The following ANAPC10 variants were observed in gnomAD, a reference collection of about 807,000 sequenced individuals.
ANAPC10 encodes anaphase promoting complex subunit 10, also known as anaphase-promoting complex subunit 10.
A neutral mutation model predicts 22.0 loss-of-function variants in ANAPC10; 12 were observed. The observed-to-expected ratio is 0.55, with a 90% CI of 0.35 to 0.88. The LOEUF (loss-of-function observed/expected upper bound fraction) is 0.88, where lower values mean the gene tolerates loss of function less well. ANAPC10 is among the 40% of genes least tolerant of loss of function. The probability of loss-of-function intolerance (pLI) is 0.01; values close to 1 mark genes in which losing one functional copy is unlikely to be tolerated. For missense variants in ANAPC10, 188 were observed against 220.9 expected (o/e 0.85, Z 0.94); for synonymous variants, 65 against 69.5 (o/e 0.94, Z 0.32).
At chr4:145,064,529 A>G in intron 4 of ANAPC10, 43 bp downstream of exon 4, 3 of 1,531,142 alleles carry the variant, frequency 2.0e-6, no homozygotes, top group East Asian at 2.3e-5. Context: ...CTAATGAGTA[A>G]AAGTTAAAGG....
At chr4:145,079,435 G>A (rs958541706) in intron 3 of ANAPC10, among the ~76,000 whole-genome samples, 4 of 152,236 alleles carry the variant, frequency 2.6e-5, no homozygotes, top group Admixed American at 2.6e-4. Flanking sequence ...TGGTGGTAAT[G>A]TAAATTAGTT....
intron 4 of ANAPC10, among the ~76,000 whole-genome samples, chr4:145,022,873 T>C (rs1736159711): frequency 6.6e-6 from 1 of 152,014 alleles, no homozygotes; most frequent in African/African-American, 2.4e-5. Context: ...CATTCTTTTA[T>C]GTATTTTTGT....
At chr4:145,087,743 T>C (rs530201515) in intron 2 of ANAPC10, among the ~76,000 whole-genome samples, 1 of 152,278 alleles carries the variant, frequency 6.6e-6, no homozygotes, top group South Asian at 2.1e-4. Context: ...TATGAAGTAT[T>C]AGTACAACAA....
intron 2 of ANAPC10, among the ~76,000 whole-genome samples, chr4:145,086,039 T>C (rs1446988886): frequency 6.6e-6 from 1 of 151,984 alleles, no homozygotes; most frequent in Non-Finnish European, 1.5e-5. Flanking sequence ...AAAATAAAAG[T>C]CTAAAATATG....
chr4:145,080,113 C>CAAAAA lies in ANAPC10; in HGVS notation c.206+1542_206+1546dup, dbSNP rs70956824. On this transcript the variant is annotated intron_variant, in intron 3 of 4. Coordinates refer to ENST00000507656, the MANE Select transcript of ANAPC10 (RefSeq NM_001256706.2). ...TGGGCAACAGAGAGAGACTCTGTCT[C>CAAAAA]AAAAAAAAAAAAAAAAAAAAAAAAA... Among the ~76,000 whole-genome samples, 50 of 26,750 alleles carry CAAAAA rather than the reference C, an allele frequency of 1.9e-3. 1 individual carries two copies. Among genetic ancestry groups the CAAAAA allele is most frequent in the African/African-American group, 6.0e-3 (34 of 5,646 alleles). The allele number at this position is 26,750 out of a possible 152,430, so 17.5% of individuals were successfully genotyped here.
intron 4 of ANAPC10, among the ~76,000 whole-genome samples, chr4:145,011,285 C>T (rs1734260914): frequency 6.6e-6 from 1 of 150,826 alleles, no homozygotes; most frequent in African/African-American, 2.4e-5. Flanking sequence ...TGCAGTAAGC[C>T]AAGATTGCGC....
At chr4:145,022,319 G>C (rs1736073421) in intron 4 of ANAPC10, among the ~76,000 whole-genome samples, 1 of 152,060 alleles carries the variant, frequency 6.6e-6, no homozygotes, top group Non-Finnish European at 1.5e-5. Flanking sequence ...ATACATGGTG[G>C]GATACTACTC....
chr4:145,037,913 C>T (rs1228589143), intron 4 of ANAPC10, among the ~76,000 whole-genome samples: 1 of 141,560 alleles, frequency 7.1e-6, no homozygotes, highest in East Asian at 2.1e-4. Context: ...CGCTACTGCA[C>T]TCAAGCATGG....
intron 1 of ANAPC10, 163 bp downstream of exon 1, chr4:145,097,957 T>C (rs1355095064): frequency 2.1e-5 from 4 of 190,324 alleles, no homozygotes; most frequent in Non-Finnish European, 3.3e-5. Context: ...CAGACTCTGT[T>C]GGTCCTACTG....
At chr4:145,008,268 C>G (rs565488104) in intron 4 of ANAPC10, among the ~76,000 whole-genome samples, 38 of 152,290 alleles carry the variant, frequency 2.5e-4, no homozygotes, top group African/African-American at 9.1e-4. Flanking sequence ...CAAAGAGGAG[C>G]TGGTACCATT....
intron 4 of ANAPC10, among the ~76,000 whole-genome samples, chr4:145,057,711 A>C (rs548289071): frequency 1.3e-5 from 2 of 152,138 alleles, no homozygotes; most frequent in Non-Finnish European, 2.9e-5. Flanking sequence ...TCATTATCTA[A>C]GTCCCTTTCT....
chr4:145,082,375 C>A (rs1413215751), intron 2 of ANAPC10, among the ~76,000 whole-genome samples: 1 of 152,206 alleles, frequency 6.6e-6, no homozygotes, highest in Non-Finnish European at 1.5e-5. Context: ...TCTCGAACTC[C>A]CAACTTCAAG....
At chr4:145,054,632 TGTGTGTGTGCGC>T (rs1195162325) in intron 4 of ANAPC10, among the ~76,000 whole-genome samples, 33 of 110,040 alleles carry the variant, frequency 3.0e-4, no homozygotes, top group East Asian at 2.6e-3. Context: ...TGTGTGTGTG[TGTGTGTGTGCGC>T]GCGCGCGCGC....
At chr4:145,071,061 G>A (rs1744416346) in intron 3 of ANAPC10, among the ~76,000 whole-genome samples, 1 of 152,172 alleles carries the variant, frequency 6.6e-6, no homozygotes, top group Non-Finnish European at 1.5e-5. Context: ...AGATGGAGGT[G>A]GTAGTGGTTG....
At chr4:145,094,214 A>G (rs1748137514) in intron 2 of ANAPC10, among the ~76,000 whole-genome samples, 1 of 152,202 alleles carries the variant, frequency 6.6e-6, no homozygotes, top group Non-Finnish European at 1.5e-5. Context: ...CCACAAGTGA[A>G]TTATGCTAAA....
intron 4 of ANAPC10, among the ~76,000 whole-genome samples, chr4:145,006,027 A>G (rs1466100079): frequency 6.6e-6 from 1 of 151,592 alleles, no homozygotes; most frequent in Non-Finnish European, 1.5e-5. Flanking sequence ...TTCTGCCTCA[A>G]TGATCTAATA....
intron 2 of ANAPC10, among the ~76,000 whole-genome samples, chr4:145,095,562 G>C (rs1022467812): frequency 3.3e-5 from 5 of 152,102 alleles, no homozygotes; most frequent in African/African-American, 1.2e-4. Context: ...TTGTCAGAAG[G>C]TTAATAGTAG....
intron 2 of ANAPC10, among the ~76,000 whole-genome samples, chr4:145,086,607 T>G (rs1746937529): frequency 6.6e-6 from 1 of 152,166 alleles, no homozygotes; most frequent in South Asian, 2.1e-4. Flanking sequence ...GAATTACTCC[T>G]CTAAGGCAAG....
Position 145,096,804 on chromosome 4 carries a change from C to T in ANAPC10, c.-12-693G>A, listed in dbSNP as rs992461584. Among the ~76,000 whole-genome samples the T allele has an allele frequency of 2.0e-5, 3 of 152,074 alleles. No homozygotes were observed. The East Asian group carries it at 5.8e-4, about 29-fold the overall frequency. On this transcript the variant is annotated intron_variant, in intron 1 of 4. Coordinates refer to ENST00000507656, the MANE Select transcript of ANAPC10 (RefSeq NM_001256706.2). Reference sequence around the variant, plus strand: ...GCTTCAAGCGATCCTCCCACCTCAGCCTCCCAAGTAGCTGGGATTACAGGT... The same window carrying T: ...GCTTCAAGCGATCCTCCCACCTCAGTCTCCCAAGTAGCTGGGATTACAGGT...
Sources: gnomAD v4.1 joint callset for allele counts (sites outside exome capture counted in the v4.1 genomes callset) on GRCh38, gnomAD v4.1.1 for gene constraint, MANE v1.5 for transcripts, NCBI Gene and HGNC (gene_info 2026-07-23, HGNC 2026-07-21) for gene names.